Variants in KIAA1217 observed in about 807,000 individuals in gnomAD.
KIAA1217 encodes KIAA1217.
Under a neutral mutation model 163.9 loss-of-function variants are expected in KIAA1217, and 88 were observed. The ratio of observed to expected loss-of-function variants is 0.54; its 90% confidence interval spans 0.45 to 0.64. KIAA1217 has a LOEUF of 0.64. KIAA1217 is among the 30% of genes least tolerant of loss of function. KIAA1217 has a pLI of 0.00. For synonymous variants in KIAA1217, 903 were observed against 923.1 expected, an observed-to-expected ratio of 0.98 and a Z score of 0.39; for missense variants, 2,372 against 2,475.0, an observed-to-expected ratio of 0.96 and a Z score of 0.88.
intron 1 of KIAA1217, among the ~76,000 whole-genome samples, chr10:23,743,633 T>C (rs10732436): frequency 0.34 from 51,311 of 152,122 alleles, 11,142 homozygotes; most frequent in African/African-American, 0.62. Flanking sequence ...AGAGAAATGA[T>C]CAGCAGCCAC....
intron 2 of KIAA1217, among the ~76,000 whole-genome samples, chr10:24,066,933 A>T (rs7069238): frequency 6.6e-6 from 1 of 152,030 alleles, no homozygotes; most frequent in Non-Finnish European, 1.5e-5. Flanking sequence ...AGTTGATTGC[A>T]TCAGTTACTG....
chr10:24,209,144 G>A lies in KIAA1217; in HGVS notation c.-50G>A. 6.4e-7 allele frequency: 1 copy of A among 1,566,654 alleles called. No individual in the cohort carries two copies. Among genetic ancestry groups the A allele is most frequent in the East Asian group, 2.2e-5 (1 of 44,562 alleles). On this transcript the variant is annotated 5_prime_UTR_variant, in exon 1 of 21. Coordinates refer to ENST00000376454, the MANE Select transcript of KIAA1217 (RefSeq NM_019590.5). ...GCGCTTTCTGGGAGCTTTTAGAACTGCGCTCTGAAGTTTCCAGAGAGCGAG... is the reference window on the plus strand; with the variant it reads ...GCGCTTTCTGGGAGCTTTTAGAACTACGCTCTGAAGTTTCCAGAGAGCGAG...
chr10:23,934,557 G>GTGTATATATATA (rs1491341162), intron 1 of KIAA1217, among the ~76,000 whole-genome samples: 1 of 44,348 alleles, frequency 2.3e-5, no homozygotes, highest in Non-Finnish European at 3.9e-5. Context: ...GGTCTTTAAA[G>GTGTATATATATA]TATATATATA....
chr10:23,708,175 C>A (rs564919706), intron 1 of KIAA1217, among the ~76,000 whole-genome samples: 96 of 152,252 alleles, frequency 6.3e-4, no homozygotes, highest in African/African-American at 2.3e-3. Context: ...AAAATCAGAT[C>A]TCATGGGACT....
At chr10:23,800,075 T>C (rs1362624026) in intron 1 of KIAA1217, among the ~76,000 whole-genome samples, 1 of 152,118 alleles carries the variant, frequency 6.6e-6, no homozygotes. Context: ...TTTCATCTTC[T>C]CACAGACCAC....
At chr10:24,267,593 A>G (rs1163368127) in intron 2 of KIAA1217, among the ~76,000 whole-genome samples, 3 of 152,218 alleles carry the variant, frequency 2.0e-5, no homozygotes, top group Non-Finnish European at 4.4e-5. Flanking sequence ...GATTACAGGC[A>G]TGAGCCACCA....
intron 1 of KIAA1217, among the ~76,000 whole-genome samples, chr10:23,931,027 C>A (rs1020711892): frequency 6.6e-6 from 1 of 152,152 alleles, no homozygotes; most frequent in Non-Finnish European, 1.5e-5. Context: ...TTGAATGTAG[C>A]AACAGAATAT....
rs1554790308 is a variant in KIAA1217 at position 24,278,870 on chromosome 10, T to TC, written c.354+58962dup. On this transcript the variant is annotated intron_variant, in intron 2 of 20. Coordinates refer to ENST00000376454, the MANE Select transcript of KIAA1217 (RefSeq NM_019590.5). ...CTCAGATTACTTTTTTTTTTTTTTTTCTTGGAGACAGAGTCTCACTCTGTT... is the reference window on the plus strand; with the variant it reads ...CTCAGATTACTTTTTTTTTTTTTTTTCCTTGGAGACAGAGTCTCACTCTGTT... Among the ~76,000 whole-genome samples, 6 of 149,694 alleles carry TC rather than the reference T, an allele frequency of 4.0e-5. No individual in the cohort carries two copies. In the East Asian group the frequency reaches 5.8e-4, roughly 15 times the overall value.
chr10:24,159,622 AAT>A (rs2065029719), intron 2 of KIAA1217, among the ~76,000 whole-genome samples: 1 of 151,972 alleles, frequency 6.6e-6, no homozygotes, highest in African/African-American at 2.4e-5. Flanking sequence ...AAAAAAAAAA[AAT>A]GCAAAAAAAT....
intron 5 of KIAA1217, among the ~76,000 whole-genome samples, chr10:24,445,062 G>A (rs1174878482): frequency 6.6e-6 from 1 of 152,174 alleles, no homozygotes; most frequent in East Asian, 1.9e-4. Flanking sequence ...ATAGAAGATA[G>A]CAAACCTTTT....
chr10:24,362,503 T>G (rs1366904052), intron 2 of KIAA1217, among the ~76,000 whole-genome samples: 2 of 152,250 alleles, frequency 1.3e-5, no homozygotes, highest in Non-Finnish European at 2.9e-5. Context: ...GGCGATTAGA[T>G]CTTCATGTTG....
At chr10:23,926,067 T>C (rs752730923) in intron 1 of KIAA1217, among the ~76,000 whole-genome samples, 11 of 152,132 alleles carry the variant, frequency 7.2e-5, no homozygotes, top group Non-Finnish European at 1.5e-4. Context: ...AGGCAGAGAC[T>C]GCACCTGGCA....
chr10:24,013,001 C>T (rs1369950541), intron 2 of KIAA1217, among the ~76,000 whole-genome samples: 2 of 152,110 alleles, frequency 1.3e-5, no homozygotes, highest in Non-Finnish European at 2.9e-5. Flanking sequence ...TTATAATCTT[C>T]AAATCAGTAC....
At chr10:24,354,460 C>T (rs1054657509) in intron 2 of KIAA1217, among the ~76,000 whole-genome samples, 1 of 152,238 alleles carries the variant, frequency 6.6e-6, no homozygotes, top group African/African-American at 2.4e-5. Flanking sequence ...TTACCATGCT[C>T]TTTTAGCTCT....
chr10:23,794,966 A>G (rs1836129571), intron 1 of KIAA1217, among the ~76,000 whole-genome samples: 1 of 152,176 alleles, frequency 6.6e-6, no homozygotes. Context: ...TGATGCCCCA[A>G]AGTCCTTTGT....
intron 2 of KIAA1217, among the ~76,000 whole-genome samples, chr10:24,121,044 G>GA (rs1227096960): frequency 6.6e-6 from 1 of 152,166 alleles, no homozygotes; most frequent in African/African-American, 2.4e-5. Context: ...GACAGGGGAG[G>GA]AAAAAGATCC....
chr10:23,929,321 A>AT lies in KIAA1217; in HGVS notation c.-320-77895dup, dbSNP rs199644438. On this transcript the variant is annotated intron_variant, in intron 1 of 18. Transcript: ENST00000376462. ...AATAATGGATTTTATTTTATTTTTT[A>AT]TTTTTTTTTATTTTAGACTAAGGGG... Among the ~76,000 whole-genome samples the AT allele has an allele frequency of 1.5e-3, 225 of 151,496 alleles. 1 individual carries two copies. Among genetic ancestry groups the AT allele is most frequent in the African/African-American group, 4.4e-3 (181 of 41,280 alleles).
chr10:24,210,065 C>T (rs931829725), intron 1 of KIAA1217, among the ~76,000 whole-genome samples: 1 of 152,104 alleles, frequency 6.6e-6, no homozygotes, highest in African/African-American at 2.4e-5. Flanking sequence ...ATAAACCACA[C>T]AGCCCTGGAC....
intron 3 of KIAA1217, among the ~76,000 whole-genome samples, chr10:24,427,033 G>A (rs567307758): frequency 5.3e-5 from 8 of 152,260 alleles, no homozygotes; most frequent in South Asian, 4.1e-4. Flanking sequence ...ACTGCACCCT[G>A]CTTTTTGTAA....
Sources: gnomAD v4.1 joint callset for allele counts (sites outside exome capture counted in the v4.1 genomes callset) on GRCh38, gnomAD v4.1.1 for gene constraint, MANE v1.5 for transcripts, NCBI Gene and HGNC (gene_info 2026-07-23, HGNC 2026-07-21) for gene names.